TCTN3: variants seen among roughly 807,000 people sequenced by gnomAD.
The protein encoded by TCTN3 is tectonic-3.
In TCTN3, 57 loss-of-function variants were observed where a neutral mutation model predicts 71.3. The observed-to-expected ratio is 0.80, with a 90% CI of 0.65 to 1.00. The LOEUF (loss-of-function observed/expected upper bound fraction) is 1.00. Among genes scored for constraint, TCTN3 ranks in the 50% least tolerant of loss-of-function variants. The pLI, the probability that TCTN3 is intolerant of heterozygous loss-of-function variation, is 0.00. For synonymous variants in TCTN3, 258 were observed against 267.8 expected (o/e 0.96, Z 0.36); for missense variants, 696 against 719.9 (o/e 0.97, Z 0.38).
At position 95,693,402 on chromosome 10, in the gene TCTN3, G is replaced by A. The variant is rs1409257714; in HGVS notation, c.331C>T (p.Leu111Phe). The A allele has an allele frequency of 6.4e-7, 1 of 1,551,852 alleles. No individual in the cohort carries two copies. The highest frequency in any genetic ancestry group is 1.4e-5 in the African/African-American group (1 of 73,058). Residue 111 changes from leucine to phenylalanine, a missense_variant, in exon 2 of 14, where the codon CTT becomes TTT. Transcript: ENST00000371217. ...GAGAAAACTGTCCTCGGATGGAGAA[G>A]ATAGCAGTCCCTGTCGCAGCAGCAA... ...INCCCDRDCY[L>F]LHPRTVFSFC...
At chr10:95,693,529 G>A (rs2097955697) in intron 1 of TCTN3, 53 bp from the exon 2 acceptor site, 2 of 1,550,752 alleles carry the variant, frequency 1.3e-6, no homozygotes, top group Non-Finnish European at 1.7e-6. Context: ...AACTCTCCCA[G>A]GTGCTCACCC....
chr10:95,693,455 T>C lies in TCTN3; in HGVS notation c.278A>G (p.Asp93Gly). 1 of 1,552,134 alleles carries C rather than the reference T, an allele frequency of 6.4e-7. No homozygotes were observed. The highest frequency in any genetic ancestry group is 1.2e-5 in the South Asian group (1 of 84,054). ...LFPVLPICVCDLTPGACDINC... is the reference protein window; with the variant it reads ...LFPVLPICVCGLTPGACDINC... ...TATATCGCAGGCTCCAGGAGTCAAG[T>C]CACAGACACAGATCGGTAAGACTAT... The change falls in exon 2 of 14, where the codon GAC becomes GGC. Residue 93 changes from aspartate (D) to glycine (G), a missense_variant. Asp to Gly is a moderately conservative substitution (Grantham distance 94, BLOSUM62 -1). Transcript: ENST00000371217.
intron 13 of TCTN3, among the ~76,000 whole-genome samples, chr10:95,672,583 G>A (rs552095440): frequency 4.0e-5 from 6 of 151,560 alleles, no homozygotes; most frequent in South Asian, 2.1e-4. Flanking sequence ...AAGTAGTAGC[G>A]CACGGTTTTA....
intron 13 of TCTN3, among the ~76,000 whole-genome samples, chr10:95,666,993 T>A (rs1186316421): frequency 6.6e-6 from 1 of 152,204 alleles, no homozygotes; most frequent in Non-Finnish European, 1.5e-5. Flanking sequence ...AAAAAGAGTA[T>A]CATTAGCCTC....
chr10:95,686,123 G>C (rs1237290898), intron 7 of TCTN3, among the ~76,000 whole-genome samples: 5 of 152,224 alleles, frequency 3.3e-5, no homozygotes, highest in Non-Finnish European at 7.3e-5. Flanking sequence ...AGCTACTTGG[G>C]AGGCTGAGGT....
intron 7 of TCTN3, among the ~76,000 whole-genome samples, chr10:95,686,219 C>A (rs1014078823): frequency 2.0e-5 from 3 of 152,302 alleles, no homozygotes; most frequent in African/African-American, 7.2e-5. Flanking sequence ...CAGAGCAAGA[C>A]CCTGTCTCTC....
At chr10:95,680,642 T>G (rs1166245229) in intron 12 of TCTN3, 33 bp from the exon 13 acceptor site, 1 of 1,604,724 alleles carries the variant, frequency 6.2e-7, no homozygotes, top group Non-Finnish European at 8.5e-7. Flanking sequence ...CTGCTTGAAT[T>G]GCCTGATGGT....
chr10:95,683,128 A>C lies in TCTN3; in HGVS notation c.1271T>G (p.Val424Gly), dbSNP rs200705429. The change falls in exon 11 of 14, where the codon GTG becomes GGG. Residue 424 changes from valine to glycine, a missense_variant. Val to Gly is a moderately radical substitution (Grantham distance 109). Coordinates refer to ENST00000371217, the MANE Select transcript of TCTN3 (RefSeq NM_015631.6). The stretch of plus-strand genomic sequence containing the variant: ...GAGCTTGCATCCAGATATTGCATTC[A>C]CTCCAAACTGCACTTCATGTCTTTT... ...SVKRHEVQFG[V>G]NAISGCKLRL... 18 of 1,613,880 alleles carry C rather than the reference A, an allele frequency of 1.1e-5. No individual in the cohort carries two copies. The highest frequency in any genetic ancestry group is 1.7e-5 in the Admixed American group (1 of 59,986).
chr10:95,673,537 T>C (rs2097933786), intron 13 of TCTN3, among the ~76,000 whole-genome samples: 1 of 152,118 alleles, frequency 6.6e-6, no homozygotes, highest in Non-Finnish European at 1.5e-5. Flanking sequence ...GCACCAATTG[T>C]TAAAAAAAAA....
chr10:95,692,700 A>G (rs1192684130), intron 3 of TCTN3, among the ~76,000 whole-genome samples: 1 of 152,208 alleles, frequency 6.6e-6, no homozygotes, highest in Non-Finnish European at 1.5e-5. Flanking sequence ...GCAGCCCAGG[A>G]CGGCTTATGA....
chr10:95,664,242 G>A lies in TCTN3; in HGVS notation c.1649C>T (p.Thr550Ile). ...LTTLVNFVDI[T>I]QKPQPPRGQP... ...GCCCCTTGGAGGCTGTGGCTTCTGGGTAATGTCCACAAAGTTCACAAGAGT... is the reference window on the plus strand; with the variant it reads ...GCCCCTTGGAGGCTGTGGCTTCTGGATAATGTCCACAAAGTTCACAAGAGT... Residue 550 changes from threonine to isoleucine, a missense_variant, in exon 14 of 14, where the codon ACC becomes ATC. By Grantham distance (89) the Thr-to-Ile change is moderately conservative (BLOSUM62 -1). Coordinates refer to ENST00000371217, the MANE Select transcript of TCTN3 (RefSeq NM_015631.6). 2 of 1,614,144 alleles carry A rather than the reference G, an allele frequency of 1.2e-6. No individual in the cohort carries two copies. Among genetic ancestry groups the A allele is most frequent in the Non-Finnish European group, 1.7e-6 (2 of 1,180,016 alleles).
intron 13 of TCTN3, among the ~76,000 whole-genome samples, chr10:95,676,019 C>T (rs1285813532): frequency 6.6e-6 from 1 of 152,172 alleles, no homozygotes; most frequent in East Asian, 1.9e-4. Context: ...CTAAGACAGA[C>T]AGCTAGATTG....
At chr10:95,676,318 G>A (rs1480786007) in intron 13 of TCTN3, among the ~76,000 whole-genome samples, 3 of 151,176 alleles carry the variant, frequency 2.0e-5, no homozygotes, top group Admixed American at 2.0e-4. Context: ...GCAGTGGCAG[G>A]ATCTTTGCTC....
Position 95,685,645 on chromosome 10 carries a change from G to T in TCTN3, c.889-9C>A, listed in dbSNP as rs924437747. ...ATTACAGGAACCTGGAACTAGCAACGAAAAGAAGCAAATTAACTAAAACTG... is the reference window on the plus strand; with the variant it reads ...ATTACAGGAACCTGGAACTAGCAACTAAAAGAAGCAAATTAACTAAAACTG... On this transcript the variant is annotated splice_polypyrimidine_tract_variant and intron_variant, in intron 7 of 13. Coordinates refer to ENST00000371217, the MANE Select transcript of TCTN3 (RefSeq NM_015631.6). The T allele has an allele frequency of 6.5e-7, 1 of 1,548,922 alleles. No homozygotes were observed. The highest frequency in any genetic ancestry group is 1.4e-5 in the African/African-American group (1 of 73,082).
At position 95,663,921 on chromosome 10, in the gene TCTN3, T is replaced by C. The variant is rs1004677254; in HGVS notation, c.*146A>G. On this transcript the variant is annotated 3_prime_UTR_variant, in exon 14 of 14. Coordinates refer to ENST00000371217, the MANE Select transcript of TCTN3 (RefSeq NM_015631.6). ...TTATTGCTTTTCTAAAATAACTCCT[T>C]TCATATACAAGGATTCCTTCAGTTA... 7.8e-5 allele frequency: 52 copies of C among 667,404 alleles called. 1 individual carries two copies. Among genetic ancestry groups the C allele is most frequent in the Admixed American group, 4.5e-4 (16 of 35,640 alleles). The allele number at this position is 667,404 out of a possible 1,614,324, so 41.3% of individuals were successfully genotyped here. A position where few individuals can be genotyped will look rare whatever the true frequency, so the allele number is the denominator to read the frequency against.
chr10:95,680,054 A>C (rs1372891767), intron 13 of TCTN3, among the ~76,000 whole-genome samples: 2 of 152,244 alleles, frequency 1.3e-5, no homozygotes, highest in African/African-American at 4.8e-5. Context: ...AGATACAACC[A>C]AGAGCTGGTA....
chr10:95,683,714 T>C (rs1176916186), intron 9 of TCTN3, 85 bp from the exon 10 acceptor site: 1 of 1,166,944 alleles, frequency 8.6e-7, no homozygotes, highest in East Asian at 2.4e-5. Context: ...TACCCTTCCT[T>C]AAGGCAAGGA....
chr10:95,692,925 T>C lies in TCTN3; in HGVS notation c.494A>G (p.Asn165Ser), dbSNP rs765264650. Reference sequence around the variant, plus strand: ...ACCAACATGTTTCTACTCACAGTTGTTCACATGGACACAAAACTGCCTGAT... The same window carrying C: ...ACCAACATGTTTCTACTCACAGTTGCTCACATGGACACAAAACTGCCTGAT... ...NGIRQFCVHV[N>S]NSNLNYFQKL... Residue 165 changes from asparagine (N) to serine (S), a missense_variant, in exon 3 of 14, where the codon AAC becomes AGC. Transcript: ENST00000371217. 8.7e-6 allele frequency: 14 copies of C among 1,609,062 alleles called. No homozygotes were observed. Among genetic ancestry groups the C allele is most frequent in the African/African-American group, 1.3e-5 (1 of 74,826 alleles).
At chr10:95,681,673 C>A (rs545542832) in intron 12 of TCTN3, among the ~76,000 whole-genome samples, 12 of 152,024 alleles carry the variant, frequency 7.9e-5, no homozygotes, top group African/African-American at 2.4e-4. Context: ...TGATTTTTAA[C>A]CAGATAATGC....
Sources: allele counts gnomAD v4.1 joint callset (sites outside exome capture counted in the v4.1 genomes callset), GRCh38; gene constraint gnomAD v4.1.1; transcripts MANE v1.5; gene names NCBI Gene and HGNC (gene_info 2026-07-23, HGNC 2026-07-21).